CYYR1: variants seen among roughly 807,000 people sequenced by gnomAD.
CYYR1 encodes the protein cysteine and tyrosine-rich protein 1.
A neutral mutation model predicts 15.2 loss-of-function variants in CYYR1; 14 were observed. The observed-to-expected ratio is 0.92, with a 90% CI of 0.61 to 1.44. CYYR1 has a LOEUF of 1.44. Among genes scored for constraint, CYYR1 ranks in the 40% most tolerant of loss-of-function variants. The pLI is 0.00. For missense variants in CYYR1, 228 were observed against 209.5 expected (o/e 1.09, Z -0.54); for synonymous variants, 80 against 77.4 (o/e 1.03, Z -0.18).
chr21:26,489,994 G>C (rs904988369), intron 2 of CYYR1, among the ~76,000 whole-genome samples: 1 of 151,952 alleles, frequency 6.6e-6, no homozygotes, highest in Non-Finnish European at 1.5e-5. Context: ...CGACATTCAC[G>C]ACTTCACTCA....
At chr21:26,561,891 G>A (rs1423685846) in intron 2 of CYYR1, among the ~76,000 whole-genome samples, 1 of 152,054 alleles carries the variant, frequency 6.6e-6, no homozygotes, top group East Asian at 1.9e-4. Context: ...TTGTTCTACT[G>A]GATAACAGTA....
chr21:26,509,632 C>G (rs2065619263), intron 2 of CYYR1, among the ~76,000 whole-genome samples: 2 of 152,190 alleles, frequency 1.3e-5, no homozygotes, highest in African/African-American at 2.4e-5. Flanking sequence ...TCAAAGCCTG[C>G]TTAAGTCAGA....
chr21:26,542,275 A>ATG (rs1425715642), intron 2 of CYYR1, among the ~76,000 whole-genome samples: 10 of 56,986 alleles, frequency 1.8e-4, no homozygotes, highest in African/African-American at 5.2e-4. Flanking sequence ...GAGAGAGAGA[A>ATG]TATGTGTGTG....
Position 26,521,095 on chromosome 21 carries a change from G to A in CYYR1, c.177-40666C>T, listed in dbSNP as rs150208755. Among the ~76,000 whole-genome samples the A allele has an allele frequency of 4.9e-3, 752 of 152,286 alleles. 3 individuals are homozygous for A. The highest frequency in any genetic ancestry group is 7.5e-3 in the Non-Finnish European group (513 of 68,022). ...TAATGCATGCGGGGCTTACTACCTAGGTGATGGGTTGATAGGTTCAGCAAA... is the reference window on the plus strand; with the variant it reads ...TAATGCATGCGGGGCTTACTACCTAAGTGATGGGTTGATAGGTTCAGCAAA... On this transcript the variant is annotated intron_variant, in intron 2 of 3. Coordinates refer to ENST00000652641, the MANE Select transcript of CYYR1 (RefSeq NM_001320768.2).
intron 2 of CYYR1, among the ~76,000 whole-genome samples, chr21:26,548,038 C>A (rs555125756): frequency 6.6e-6 from 1 of 152,264 alleles, no homozygotes; most frequent in African/African-American, 2.4e-5. Flanking sequence ...ATCTATTACA[C>A]TATTTTATCA....
At chr21:26,469,996 G>A (rs2065015021) in intron 3 of CYYR1, among the ~76,000 whole-genome samples, 1 of 152,106 alleles carries the variant, frequency 6.6e-6, no homozygotes, top group Non-Finnish European at 1.5e-5. Flanking sequence ...ACTGCCAGTA[G>A]CTGAATCATC....
intron 2 of CYYR1, among the ~76,000 whole-genome samples, chr21:26,521,381 T>A (rs533023330): frequency 2.6e-5 from 4 of 152,290 alleles, no homozygotes; most frequent in Non-Finnish European, 5.9e-5. Flanking sequence ...TCTGGTTAAA[T>A]CAAATAGCAC....
intron 2 of CYYR1, among the ~76,000 whole-genome samples, chr21:26,490,392 C>T (rs1017468109): frequency 3.3e-5 from 5 of 151,988 alleles, no homozygotes; most frequent in Non-Finnish European, 7.4e-5. Flanking sequence ...ATACATAATA[C>T]TTGACTTTAA....
intron 2 of CYYR1, among the ~76,000 whole-genome samples, chr21:26,502,112 T>A (rs1008083991): frequency 2.0e-4 from 30 of 152,216 alleles, no homozygotes; most frequent in African/African-American, 6.8e-4. Flanking sequence ...CACTGATTTA[T>A]GCACCCCAAA....
chr21:26,549,714 C>T (rs955685469), intron 2 of CYYR1, among the ~76,000 whole-genome samples: 12 of 152,032 alleles, frequency 7.9e-5, no homozygotes, highest in South Asian at 4.1e-4. Flanking sequence ...TATACATGTA[C>T]GAAATGCCAG....
intron 2 of CYYR1, among the ~76,000 whole-genome samples, chr21:26,538,542 C>T (rs1978338481): frequency 1.3e-5 from 2 of 151,914 alleles, no homozygotes; most frequent in Admixed American, 6.6e-5. Flanking sequence ...TTTGTTTTTG[C>T]CACTCTTTTT....
intron 3 of CYYR1, among the ~76,000 whole-genome samples, chr21:26,476,616 C>CTATCTATCTATCTATT (rs1569138586): frequency 6.6e-6 from 1 of 151,834 alleles, no homozygotes; most frequent in African/African-American, 2.4e-5. Context: ...ATCTATCTAT[C>CTATCTATCTATCTATT]TATCTATCTA....
At chr21:26,522,973 T>G (rs564304959) in intron 2 of CYYR1, among the ~76,000 whole-genome samples, 2 of 152,322 alleles carry the variant, frequency 1.3e-5, no homozygotes, top group African/African-American at 2.4e-5. Context: ...AAGTCTGGAC[T>G]TCGTCAGGAG....
chr21:26,554,443 G>T (rs539188053), intron 2 of CYYR1, among the ~76,000 whole-genome samples: 1 of 152,216 alleles, frequency 6.6e-6, no homozygotes, highest in African/African-American at 2.4e-5. Context: ...GGGTAACATG[G>T]CAGACTTGTG....
intron 2 of CYYR1, among the ~76,000 whole-genome samples, chr21:26,531,109 C>T (rs1460207742): frequency 6.6e-6 from 1 of 152,100 alleles, no homozygotes; most frequent in African/African-American, 2.4e-5. Flanking sequence ...TTGCATCCTC[C>T]TTGTTTTCAA....
At chr21:26,521,571 C>T (rs917904533) in intron 2 of CYYR1, among the ~76,000 whole-genome samples, 5 of 152,144 alleles carry the variant, frequency 3.3e-5, no homozygotes, top group African/African-American at 1.2e-4. Context: ...CAAATAATGA[C>T]CTACTTTATC....
At chr21:26,474,409 T>TC (rs2065075952) in intron 3 of CYYR1, among the ~76,000 whole-genome samples, 1 of 40,192 alleles carries the variant, frequency 2.5e-5, no homozygotes, top group South Asian at 6.5e-4. Context: ...ACACCGTGCC[T>TC]TTTTTTTTTT....
At chr21:26,478,382 T>C (rs974156251) in intron 3 of CYYR1, among the ~76,000 whole-genome samples, 3 of 152,098 alleles carry the variant, frequency 2.0e-5, no homozygotes, top group Middle Eastern at 6.8e-3. Context: ...CAAAGCCCTA[T>C]GGTGGAAGTG....
intron 3 of CYYR1, among the ~76,000 whole-genome samples, chr21:26,469,922 A>T (rs1390492430): frequency 1.3e-5 from 2 of 152,098 alleles, no homozygotes; most frequent in Non-Finnish European, 2.9e-5. Context: ...AAATTTATCC[A>T]CGTTTCCAAG....
Sources: allele counts gnomAD v4.1 joint callset (sites outside exome capture counted in the v4.1 genomes callset), GRCh38; gene constraint gnomAD v4.1.1; transcripts MANE v1.5; gene names NCBI Gene and HGNC (gene_info 2026-07-23, HGNC 2026-07-21).